The following TMEM74 variants were observed in gnomAD, a reference collection of about 807,000 sequenced individuals.
The protein encoded by TMEM74 is transmembrane protein 74.
In TMEM74, 13 loss-of-function variants were observed where a neutral mutation model predicts 18.1. The observed-to-expected ratio is 0.72, with a 90% CI of 0.47 to 1.14. The LOEUF is 1.14. TMEM74 is among the 50% of genes most tolerant of loss of function. The probability of loss-of-function intolerance (pLI) is 0.00; values close to 1 mark genes in which losing one functional copy is unlikely to be tolerated. For missense variants in TMEM74, 372 were observed against 375.9 expected (o/e 0.99, Z 0.09); for synonymous variants, 159 against 146.6 (o/e 1.08, Z -0.61).
At chr8:108,770,638 T>C (rs1265344359) in intron 1 of TMEM74, among the ~76,000 whole-genome samples, 3 of 152,184 alleles carry the variant, frequency 2.0e-5, no homozygotes, top group African/African-American at 7.2e-5. Context: ...AGTCGGCTTA[T>C]TCAAGTCTGA....
intron 1 of TMEM74, among the ~76,000 whole-genome samples, chr8:108,732,940 C>T (rs946208086): frequency 1.3e-5 from 2 of 151,926 alleles, no homozygotes; most frequent in African/African-American, 4.8e-5. Flanking sequence ...TTAAAAAGCA[C>T]TCAAGATCAT....
Position 108,784,516 on chromosome 8 carries a change from A to AGAT in TMEM74, c.580_582dup (p.Ile194dup), listed in dbSNP as rs1461193038. The AGAT allele has an allele frequency of 6.2e-7, 1 of 1,614,048 alleles. No homozygotes were observed. The highest frequency in any genetic ancestry group is 8.5e-7 in the Non-Finnish European group (1 of 1,180,048). On this transcript the variant is annotated inframe_insertion, in exon 2 of 2. Transcript: ENST00000297459. ...GTCACTTCCCGTGGGACGATGTAAGAGATGATCACGAGCAGGATCCCAGTG... is the reference window on the plus strand; with the variant it reads ...GTCACTTCCCGTGGGACGATGTAAGAGATGATGATCACGAGCAGGATCCCAGTG...
chr8:108,686,640 C>T (rs1813173011), intron 1 of TMEM74, among the ~76,000 whole-genome samples: 1 of 151,352 alleles, frequency 6.6e-6, no homozygotes, highest in South Asian at 2.1e-4. Flanking sequence ...AATTGCTTTG[C>T]AAATCTCACT....
intron 1 of TMEM74, among the ~76,000 whole-genome samples, chr8:108,665,421 A>C (rs943743041): frequency 2.0e-5 from 3 of 152,132 alleles, no homozygotes; most frequent in African/African-American, 7.2e-5. Flanking sequence ...AGTAGCAGGA[A>C]GCAGAGGCCC....
At chr8:108,621,423 A>T (rs1563734030) in intron 2 of TMEM74, among the ~76,000 whole-genome samples, 1 of 152,148 alleles carries the variant, frequency 6.6e-6, no homozygotes, top group African/African-American at 2.4e-5. Context: ...TCCTTCTTCC[A>T]GGTCCCCCTC....
chr8:108,759,313 A>C (rs558971707), intron 1 of TMEM74, among the ~76,000 whole-genome samples: 2 of 152,258 alleles, frequency 1.3e-5, no homozygotes, highest in South Asian at 2.1e-4. Flanking sequence ...GGTAAATTCC[A>C]ATGTCTTTGG....
chr8:108,659,686 A>G (rs908170624), intron 1 of TMEM74, among the ~76,000 whole-genome samples: 2 of 152,182 alleles, frequency 1.3e-5, no homozygotes, highest in Admixed American at 1.3e-4. Flanking sequence ...TGTCCAAGAT[A>G]GAACTCTATA....
At chr8:108,689,011 A>G (rs988190581) in intron 1 of TMEM74, among the ~76,000 whole-genome samples, 6 of 152,212 alleles carry the variant, frequency 3.9e-5, no homozygotes, top group Non-Finnish European at 7.3e-5. Context: ...GATGGTGAAC[A>G]GCATTAAGCT....
chr8:108,765,407 C>CTTTTTTTTTTTTTTT lies in TMEM74; in HGVS notation n.119+22054_119+22068dup, dbSNP rs61334796. 5.6e-4 allele frequency among the ~76,000 whole-genome samples: 67 copies of CTTTTTTTTTTTTTTT among 120,696 alleles called. 2 individuals carry two copies. The highest frequency in any genetic ancestry group is 1.1e-3 in the South Asian group (4 of 3,774). The allele number at this position is 120,696 out of a possible 152,430, so 79.2% of individuals were successfully genotyped here. A position where few individuals can be genotyped will look rare whatever the true frequency, so the allele number is the denominator to read the frequency against. ...CTAAGGTCTTAGCAGTTTGGAACTACTTTTTTTTTTTTTTTTTTAGATGGA... is the reference window on the plus strand; with the variant it reads ...CTAAGGTCTTAGCAGTTTGGAACTACTTTTTTTTTTTTTTTTTTTTTTTTTTTTTTTTTAGATGGA... On this transcript the variant is annotated intron_variant and non_coding_transcript_variant, in intron 1 of 3. Transcript: ENST00000518838.
intron 1 of TMEM74, among the ~76,000 whole-genome samples, chr8:108,756,634 G>GAAA (rs1563543689): frequency 2.0e-4 from 16 of 78,372 alleles, no homozygotes; most frequent in East Asian, 8.2e-4. Flanking sequence ...AAGGAAGGAA[G>GAAA]GAAGGAAGAA....
At chr8:108,741,460 G>A (rs1430812031) in intron 1 of TMEM74, among the ~76,000 whole-genome samples, 1 of 152,132 alleles carries the variant, frequency 6.6e-6, no homozygotes, top group Non-Finnish European at 1.5e-5. Context: ...CAAGTAAGAA[G>A]CTATAGAGGT....
chr8:108,669,349 C>G (rs564042071), intron 1 of TMEM74, among the ~76,000 whole-genome samples: 2 of 152,206 alleles, frequency 1.3e-5, no homozygotes, highest in East Asian at 3.9e-4. Context: ...GTTATCCTGC[C>G]GAGCACGTTA....
intron 1 of TMEM74, among the ~76,000 whole-genome samples, chr8:108,740,225 A>T (rs1813786989): frequency 6.6e-6 from 1 of 152,162 alleles, no homozygotes; most frequent in Non-Finnish European, 1.5e-5. Flanking sequence ...GCTTTTTCCC[A>T]ACAGTGGCTA....
rs1224362937 is a variant in TMEM74, at chr8:108,783,584, A to G, written c.*597T>C. 3 of 152,218 alleles carry G rather than the reference A, an allele frequency of 2.0e-5. No homozygotes were observed. The highest frequency in any genetic ancestry group is 7.2e-5 in the African/African-American group (3 of 41,460). The allele number at this position is 152,218 out of a possible 1,614,324, so 9.4% of individuals were successfully genotyped here. ...GAAAGTTTATCCTAATGACTTAATT[A>G]CCATTTTTGAAAACAGGAATAATTT... On this transcript the variant is annotated 3_prime_UTR_variant, in exon 2 of 2. Transcript: ENST00000297459.
At chr8:108,700,743 A>T (rs893814570) in intron 1 of TMEM74, among the ~76,000 whole-genome samples, 16 of 152,150 alleles carry the variant, frequency 1.1e-4, no homozygotes, top group African/African-American at 3.9e-4. Context: ...CCATTTTTGG[A>T]TGTCATTAGT....
In TMEM74 at chr8:108,780,200, C is replaced by G. The variant is rs921509065; in HGVS notation, c.*3981G>C. Among the ~76,000 whole-genome samples, 3 of 152,038 alleles carry G rather than the reference C, an allele frequency of 2.0e-5. No homozygotes were observed. Among genetic ancestry groups the G allele is most frequent in the Admixed American group, 2.0e-4 (3 of 15,264 alleles). ...AGGTTGTGAATCTTTTTTGTCAGAC[C>G]ACGTTTTTTTGATGGCATTAATTGC... On this transcript the variant is annotated 3_prime_UTR_variant, in exon 2 of 2. Transcript: ENST00000297459.
At chr8:108,698,489 CT>C (rs1813302987) in intron 1 of TMEM74, among the ~76,000 whole-genome samples, 1 of 152,162 alleles carries the variant, frequency 6.6e-6, no homozygotes, top group Non-Finnish European at 1.5e-5. Flanking sequence ...ATCATGAGGA[CT>C]AAATGCAATA....
intron 2 of TMEM74, among the ~76,000 whole-genome samples, chr8:108,623,365 G>C (rs1035532620): frequency 6.6e-6 from 1 of 152,048 alleles, no homozygotes; most frequent in Non-Finnish European, 1.5e-5. Context: ...GCTGGCTTTT[G>C]TTGGCTTTTG....
At chr8:108,646,570 C>T (rs1234832074) in intron 2 of TMEM74, among the ~76,000 whole-genome samples, 1 of 152,026 alleles carries the variant, frequency 6.6e-6, no homozygotes, top group African/African-American at 2.4e-5. Flanking sequence ...TGCTTACAGA[C>T]TTGGAATTCA....
Sources: gnomAD v4.1 joint callset for allele counts (sites outside exome capture counted in the v4.1 genomes callset) on GRCh38, gnomAD v4.1.1 for gene constraint, MANE v1.5 for transcripts, NCBI Gene and HGNC (gene_info 2026-07-23, HGNC 2026-07-21) for gene names.